Variants in BICD1 observed in about 807,000 individuals in gnomAD.
The protein encoded by BICD1 is BICD cargo adaptor 1, also known as protein bicaudal D homolog 1.
Under a neutral mutation model 92.5 loss-of-function variants are expected in BICD1, and 35 were observed. The observed-to-expected ratio is 0.38, with a 90% CI of 0.29 to 0.50. The LOEUF (loss-of-function observed/expected upper bound fraction) is 0.50, where lower values mean the gene tolerates loss of function less well. Ranked by LOEUF, BICD1 falls within the 20% of genes least tolerant of loss-of-function variation. The pLI is 0.93. For synonymous variants in BICD1, 429 were observed against 465.1 expected (o/e 0.92, Z 1.00); for missense variants, 950 against 1,189.8 (o/e 0.80, Z 2.97).
intron 2 of BICD1, among the ~76,000 whole-genome samples, chr12:32,232,029 A>G (rs1387992799): frequency 2.0e-5 from 3 of 151,182 alleles, no homozygotes; most frequent in South Asian, 2.1e-4. Context: ...GCTATTGTGA[A>G]TAATGCCGCA....
chr12:32,278,842 C>T (rs1376290680), intron 2 of BICD1, among the ~76,000 whole-genome samples: 2 of 151,252 alleles, frequency 1.3e-5, no homozygotes, highest in East Asian at 3.9e-4. Context: ...GGCGACAGAG[C>T]GAGACCCTGT....
intron 1 of BICD1, among the ~76,000 whole-genome samples, chr12:32,124,229 A>G (rs1942251770): frequency 6.6e-6 from 1 of 152,212 alleles, no homozygotes; most frequent in Non-Finnish European, 1.5e-5. Context: ...TCTATATGCC[A>G]GGTATTATGC....
intron 2 of BICD1, among the ~76,000 whole-genome samples, chr12:32,275,211 G>A (rs1050395678): frequency 1.3e-5 from 2 of 152,082 alleles, no homozygotes; most frequent in East Asian, 1.9e-4. Flanking sequence ...GTAGTGATTC[G>A]TTCATTATAA....
intron 1 of BICD1, among the ~76,000 whole-genome samples, chr12:32,197,877 CA>C (rs1051910209): frequency 2.7e-5 from 4 of 150,704 alleles, no homozygotes; most frequent in African/African-American, 9.8e-5. Context: ...GACTCTCCAG[CA>C]CAAAGCTTTG....
At chr12:32,219,501 C>G (rs571154813) in intron 2 of BICD1, among the ~76,000 whole-genome samples, 1 of 152,096 alleles carries the variant, frequency 6.6e-6, no homozygotes, top group Non-Finnish European at 1.5e-5. Context: ...AGAGTACATA[C>G]ATAAACATAA....
intron 2 of BICD1, among the ~76,000 whole-genome samples, chr12:32,223,914 CAT>C (rs1565599171): frequency 6.6e-6 from 1 of 152,090 alleles, no homozygotes; most frequent in African/African-American, 2.4e-5. Context: ...TCAGAACACA[CAT>C]GTTTATGGGT....
intron 1 of BICD1, among the ~76,000 whole-genome samples, chr12:32,194,865 A>G (rs1944681196): frequency 6.6e-6 from 1 of 152,156 alleles, no homozygotes; most frequent in Admixed American, 6.5e-5. Context: ...CTGGGCAACA[A>G]GAGCAAAACT....
intron 2 of BICD1, among the ~76,000 whole-genome samples, chr12:32,235,778 G>A (rs963436622): frequency 1.3e-5 from 2 of 149,372 alleles, no homozygotes; most frequent in Admixed American, 6.7e-5. Context: ...TTGGCTCACT[G>A]CAACCTCCGC....
rs116225020 is a variant in BICD1 at position 32,283,663 on chromosome 12, G to T, written c.427-10331G>T. On this transcript the variant is annotated intron_variant, in intron 2 of 9. Coordinates refer to ENST00000652176, the MANE Select transcript of BICD1 (RefSeq NM_001714.4). ...CGTTGATGAGGTGGAAGAGCGAGTG[G>T]TTTGATTGGAAGAAGTGCAGAGCCT... Among the ~76,000 whole-genome samples, 709 of 152,318 alleles carry T rather than the reference G, an allele frequency of 4.7e-3. 5 individuals carry two copies. The highest frequency in any genetic ancestry group is 0.016 in the African/African-American group (680 of 41,552).
intron 2 of BICD1, among the ~76,000 whole-genome samples, chr12:32,222,018 T>C (rs1945547249): frequency 6.6e-6 from 1 of 152,208 alleles, no homozygotes; most frequent in Non-Finnish European, 1.5e-5. Flanking sequence ...TTATTTATAC[T>C]AAACTAAACT....
At chr12:32,141,487 G>GTTTTT (rs1371622637) in intron 1 of BICD1, among the ~76,000 whole-genome samples, 9 of 151,934 alleles carry the variant, frequency 5.9e-5, no homozygotes, top group African/African-American at 2.2e-4. Flanking sequence ...GTTTTGTTTT[G>GTTTTT]TTTTTGAGCG....
chr12:32,135,356 G>A (rs147111632), intron 1 of BICD1, among the ~76,000 whole-genome samples: 12 of 148,356 alleles, frequency 8.1e-5, no homozygotes, highest in African/African-American at 2.0e-4. Context: ...CCAAAGTGCC[G>A]GGATTACAGG....
chr12:32,222,845 A>C (rs981813577), intron 2 of BICD1, among the ~76,000 whole-genome samples: 1 of 152,168 alleles, frequency 6.6e-6, no homozygotes, highest in Non-Finnish European at 1.5e-5. Flanking sequence ...AGGACACAGC[A>C]ACAAGGTGCC....
chr12:32,253,207 A>G (rs1354811045), intron 2 of BICD1, among the ~76,000 whole-genome samples: 2 of 152,054 alleles, frequency 1.3e-5, no homozygotes, highest in East Asian at 3.8e-4. Flanking sequence ...TTTATTAGCC[A>G]TTTGGATTCC....
intron 6 of BICD1, among the ~76,000 whole-genome samples, chr12:32,335,586 T>TC (rs1334376788): frequency 2.7e-5 from 4 of 150,846 alleles, no homozygotes; most frequent in African/African-American, 9.7e-5. Context: ...CCTACTTTTT[T>TC]TTTTTTTTTT....
At chr12:32,295,224 T>C (rs1027592644) in intron 3 of BICD1, among the ~76,000 whole-genome samples, 4 of 152,172 alleles carry the variant, frequency 2.6e-5, no homozygotes, top group Non-Finnish European at 2.9e-5. Context: ...TTGGTTTGCA[T>C]TGTGGATTTT....
intron 1 of BICD1, among the ~76,000 whole-genome samples, chr12:32,199,658 A>G (rs1944847032): frequency 6.6e-6 from 1 of 152,206 alleles, no homozygotes; most frequent in Non-Finnish European, 1.5e-5. Context: ...CTTCTAATCT[A>G]TAGCTAAGGT....
At chr12:32,257,261 G>C (rs1946745443) in intron 2 of BICD1, among the ~76,000 whole-genome samples, 1 of 147,102 alleles carries the variant, frequency 6.8e-6, no homozygotes, top group Non-Finnish European at 1.5e-5. Context: ...ACTAGGATCA[G>C]AAATGCAAAT....
intron 7 of BICD1, chr12:32,338,031 C>T: frequency 1.3e-5 from 7 of 524,250 alleles, no homozygotes; most frequent in Non-Finnish European, 2.4e-5. Flanking sequence ...TGCCCAATCC[C>T]TCCTCTTGAT....
Sources: gnomAD v4.1 joint callset for allele counts (sites outside exome capture counted in the v4.1 genomes callset) on GRCh38, gnomAD v4.1.1 for gene constraint, MANE v1.5 for transcripts, NCBI Gene and HGNC (gene_info 2026-07-23, HGNC 2026-07-21) for gene names.